PAFAH1B1: variants seen among roughly 807,000 people sequenced by gnomAD.
PAFAH1B1 encodes platelet activating factor acetylhydrolase 1b regulatory subunit 1.
In PAFAH1B1, 2 loss-of-function variants were observed where a neutral mutation model predicts 57.5. The ratio of observed to expected loss-of-function variants is 0.03; its 90% CI spans 0.01 to 0.11. The LOEUF is 0.11. PAFAH1B1 is among the 10% of genes least tolerant of loss of function. PAFAH1B1 has a pLI of 1.00. For missense variants in PAFAH1B1, 257 were observed against 512.0 expected, an observed-to-expected ratio of 0.50 and a Z score of 4.81; for synonymous variants, 152 against 169.6, an observed-to-expected ratio of 0.90 and a Z score of 0.81.
chr17:2,680,422 G>T (rs969127197), intron 10 of PAFAH1B1, 102 bp downstream of exon 10: 8 of 1,006,044 alleles, frequency 8.0e-6, no homozygotes, highest in Non-Finnish European at 8.0e-6. Context: ...AAATGACTGT[G>T]CTTTCAGGGC....
intron 2 of PAFAH1B1, chr17:2,641,575 C>T (rs1033743198): frequency 2.6e-5 from 4 of 152,108 alleles, no homozygotes; most frequent in African/African-American, 4.8e-5. Context: ...ATGAGAGCCC[C>T]CTCAGTTGAT....
rs886052727 is a variant in PAFAH1B1 at position 2,683,792 on chromosome 17, A to G, written c.*1990A>G. The stretch of plus-strand genomic sequence containing the variant: ...TTTTTCTACAAAAACTATGGAAAAT[A>G]TCTTTGTTCTTGTTTGCTGCTATTT... On this transcript the variant is annotated 3_prime_UTR_variant, in exon 11 of 11. Coordinates refer to ENST00000397195, the MANE Select transcript of PAFAH1B1 (RefSeq NM_000430.4). 1.3e-5 allele frequency: 2 copies of G among 152,670 alleles called. No individual in the cohort carries two copies. The highest frequency in any genetic ancestry group is 2.9e-5 in the Non-Finnish European group (2 of 68,034). The allele number at this position is 152,670 out of a possible 1,614,324, so 9.5% of individuals were successfully genotyped here. A position where few individuals can be genotyped will look rare whatever the true frequency, so the allele number is the denominator to read the frequency against.
chr17:2,650,116 G>A (rs1175809754), intron 2 of PAFAH1B1, among the ~76,000 whole-genome samples: 1 of 152,196 alleles, frequency 6.6e-6, no homozygotes, highest in East Asian at 1.9e-4. Context: ...CAGGCACTGT[G>A]GCTTAGGCCT....
chr17:2,615,176 A>G (rs2068322634), intron 1 of PAFAH1B1, among the ~76,000 whole-genome samples: 2 of 152,190 alleles, frequency 1.3e-5, no homozygotes, highest in African/African-American at 2.4e-5. Flanking sequence ...TAAGTAATCT[A>G]GAGATGATTT....
intron 2 of PAFAH1B1, among the ~76,000 whole-genome samples, chr17:2,654,162 A>G (rs1011125436): frequency 2.0e-5 from 3 of 149,598 alleles, no homozygotes; most frequent in Non-Finnish European, 3.0e-5. Context: ...TCCAGCTTAC[A>G]TGTTGAGGTC....
At chr17:2,652,973 A>G (rs957615992) in intron 2 of PAFAH1B1, among the ~76,000 whole-genome samples, 2 of 152,204 alleles carry the variant, frequency 1.3e-5, no homozygotes, top group African/African-American at 4.8e-5. Context: ...ATGCACACAT[A>G]TGTTTATTGT....
At chr17:2,628,212 G>T (rs1466524990) in intron 1 of PAFAH1B1, among the ~76,000 whole-genome samples, 1 of 152,124 alleles carries the variant, frequency 6.6e-6, no homozygotes, top group African/African-American at 2.4e-5. Flanking sequence ...TTGGCTGTGG[G>T]TTTGTCATAG....
At chr17:2,610,866 G>T (rs370909370) in intron 1 of PAFAH1B1, among the ~76,000 whole-genome samples, 17 of 152,182 alleles carry the variant, frequency 1.1e-4, no homozygotes, top group African/African-American at 4.1e-4. Flanking sequence ...ACATGAGTCA[G>T]TCTGAAAGAG....
intron 1 of PAFAH1B1, among the ~76,000 whole-genome samples, chr17:2,623,439 T>C (rs2068449306): frequency 6.6e-6 from 1 of 151,806 alleles, no homozygotes; most frequent in Non-Finnish European, 1.5e-5. Flanking sequence ...TTTGTATTTT[T>C]AGTAGAGACA....
intron 1 of PAFAH1B1, among the ~76,000 whole-genome samples, chr17:2,625,706 G>T (rs12941801): frequency 0.28 from 42,626 of 151,978 alleles, 6,135 homozygotes; most frequent in Middle Eastern, 0.35. Context: ...TGACAGAATC[G>T]CTTGAGCCCA....
chr17:2,627,897 A>G (rs2068511966), intron 1 of PAFAH1B1, among the ~76,000 whole-genome samples: 1 of 152,206 alleles, frequency 6.6e-6, no homozygotes, highest in Admixed American at 6.5e-5. Context: ...CTTGGTGTAT[A>G]GAAGAGCTAC....
intron 2 of PAFAH1B1, among the ~76,000 whole-genome samples, chr17:2,638,948 G>A (rs1438836087): frequency 2.0e-5 from 3 of 152,068 alleles, no homozygotes; most frequent in African/African-American, 7.2e-5. Flanking sequence ...CACCCAGGCT[G>A]GAGTGCAGTG....
At chr17:2,672,874 C>T in intron 7 of PAFAH1B1, 117 bp downstream of exon 7, 1 of 715,236 alleles carries the variant, frequency 1.4e-6, no homozygotes, top group East Asian at 2.7e-5. Context: ...TGAAGACCAG[C>T]CTGGCCAACA....
chr17:2,596,277 CAG>C (rs2068083528), intron 1 of PAFAH1B1, among the ~76,000 whole-genome samples: 2 of 152,002 alleles, frequency 1.3e-5, no homozygotes, highest in South Asian at 2.1e-4. Flanking sequence ...AAATTAATGT[CAG>C]AAATATTTGG....
chr17:2,677,043 C>T (rs1372116495), intron 9 of PAFAH1B1, among the ~76,000 whole-genome samples: 6 of 152,262 alleles, frequency 3.9e-5, no homozygotes, highest in African/African-American at 7.2e-5. Flanking sequence ...GTCCCAGCTA[C>T]TCGGGAGGCT....
chr17:2,626,466 C>A (rs1567534659), intron 1 of PAFAH1B1, among the ~76,000 whole-genome samples: 1 of 147,200 alleles, frequency 6.8e-6, no homozygotes, highest in Non-Finnish European at 1.5e-5. Flanking sequence ...TAAAGGGTGC[C>A]TTAGATGTTA....
At chr17:2,634,690 A>T (rs767360251) in intron 1 of PAFAH1B1, among the ~76,000 whole-genome samples, 1 of 151,682 alleles carries the variant, frequency 6.6e-6, no homozygotes, top group African/African-American at 2.4e-5. Flanking sequence ...ATCTTATCTA[A>T]TGGCTCCCTA....
chr17:2,601,028 G>C (rs1022694777), intron 1 of PAFAH1B1, among the ~76,000 whole-genome samples: 2 of 152,012 alleles, frequency 1.3e-5, no homozygotes, highest in Admixed American at 1.3e-4. Context: ...TATCATGCCT[G>C]GCCTTGGTTA....
intron 9 of PAFAH1B1, 81 bp from the exon 10 acceptor site, chr17:2,680,083 T>C: frequency 1.6e-6 from 2 of 1,231,752 alleles, no homozygotes; most frequent in Non-Finnish European, 2.4e-6. Context: ...TTTTGGTATG[T>C]ATAGTTTTAT....
Sources: allele counts gnomAD v4.1 joint callset (sites outside exome capture counted in the v4.1 genomes callset), GRCh38; gene constraint gnomAD v4.1.1; transcripts MANE v1.5; gene names NCBI Gene and HGNC (gene_info 2026-07-23, HGNC 2026-07-21).